The following VIPR2 variants were observed in gnomAD, a reference collection of about 807,000 sequenced individuals.
VIPR2 encodes the protein vasoactive intestinal peptide receptor 2, also known as vasoactive intestinal polypeptide receptor 2.
A neutral mutation model predicts 58.0 loss-of-function variants in VIPR2; 48 were observed. The observed-to-expected ratio is 0.83, with a 90% CI of 0.66 to 1.05. The LOEUF (loss-of-function observed/expected upper bound fraction) is 1.05. VIPR2 is among the 50% of genes least tolerant of loss of function. The pLI is 0.00. For synonymous variants in VIPR2, 243 were observed against 235.2 expected, an observed-to-expected ratio of 1.03 and a Z score of -0.30; for missense variants, 534 against 558.0, an observed-to-expected ratio of 0.96 and a Z score of 0.43.
chr7:159,030,657 G>A lies in VIPR2; in HGVS notation c.1276C>T (p.Arg426Cys), dbSNP rs924890200. Residue 426 changes from arginine (R) to cysteine (C), a missense_variant, in exon 13 of 13, where the codon CGC (arginine) becomes TGC (cysteine). This residue lies in a region of VIPR2 where 306 missense variants were observed against 285.8 expected (regional missense o/e 1.07). Coordinates refer to ENST00000262178, the MANE Select transcript of VIPR2 (RefSeq NM_003382.5). ...EGALQFHRGS[R>C]AQSFLQTETS... ...TCCGTTTGCAGGAAGGACTGGGCGC[G>A]GGAGCCGCGGTGGAACTGCAGGGCG... 1.6e-5 allele frequency: 25 copies of A among 1,559,954 alleles called. No individual in the cohort carries two copies. Among genetic ancestry groups the A allele is most frequent in the East Asian group, 2.4e-5 (1 of 41,918 alleles).
Position 159,109,831 on chromosome 7 carries a change from G to A in VIPR2, c.240C>T (p.Ser80=). ...CAGTACCTGCTTTGCTGTAAAAATT[G>A]CTGAAGACTTTTGGGCAGGGCACCG... ...TVTVPCPKVF[S]NFYSKAGNIS... Residue 80 remains serine (S), a synonymous_variant, in exon 3 of 13, where the codon AGC becomes AGT. Coordinates refer to ENST00000262178, the MANE Select transcript of VIPR2 (RefSeq NM_003382.5). 1 of 1,614,192 alleles carries A rather than the reference G, an allele frequency of 6.2e-7. No homozygotes were observed. The highest frequency in any genetic ancestry group is 8.5e-7 in the Non-Finnish European group (1 of 1,180,038).
At chr7:159,086,591 A>T (rs1345219680) in intron 4 of VIPR2, among the ~76,000 whole-genome samples, 2 of 152,208 alleles carry the variant, frequency 1.3e-5, no homozygotes, top group Non-Finnish European at 2.9e-5. Context: ...GGGGGATGTC[A>T]AATGTGAAGT....
At chr7:159,070,959 G>A (rs1053773128) in intron 4 of VIPR2, among the ~76,000 whole-genome samples, 1 of 152,178 alleles carries the variant, frequency 6.6e-6, no homozygotes, top group Non-Finnish European at 1.5e-5. Context: ...CACACGAAAC[G>A]GCACGCCCAC....
chr7:159,143,681 A>G (rs1346402695), intron 1 of VIPR2, among the ~76,000 whole-genome samples: 1 of 152,248 alleles, frequency 6.6e-6, no homozygotes, highest in African/African-American at 2.4e-5. Flanking sequence ...TAAATTTCAG[A>G]ATTAAGGAAA....
intron 4 of VIPR2, among the ~76,000 whole-genome samples, chr7:159,060,454 T>C (rs1855583943): frequency 1.3e-5 from 2 of 151,826 alleles, no homozygotes; most frequent in Non-Finnish European, 2.9e-5. Flanking sequence ...CACTCTCAAT[T>C]CATCTAACCC....
intron 4 of VIPR2, among the ~76,000 whole-genome samples, chr7:159,060,241 A>AC (rs78028911): frequency 0.11 from 16,086 of 145,360 alleles, 915 homozygotes; most frequent in Middle Eastern, 0.18. Flanking sequence ...TCACCTAACC[A>AC]CCCCCACTCA....
intron 4 of VIPR2, among the ~76,000 whole-genome samples, chr7:159,100,175 T>A (rs1858120174): frequency 6.6e-6 from 1 of 152,278 alleles, no homozygotes; most frequent in Non-Finnish European, 1.5e-5. Context: ...CCCGACCAGA[T>A]GGCAACAAGC....
intron 4 of VIPR2, among the ~76,000 whole-genome samples, chr7:159,094,096 G>A (rs1857675231): frequency 1.3e-5 from 2 of 152,190 alleles, no homozygotes; most frequent in African/African-American, 4.8e-5. Flanking sequence ...ATGCAGAGGA[G>A]GGGATGGTCT....
intron 3 of VIPR2, among the ~76,000 whole-genome samples, chr7:159,106,967 G>A (rs1180679313): frequency 6.6e-6 from 1 of 151,556 alleles, no homozygotes; most frequent in Admixed American, 6.6e-5. Flanking sequence ...CCAGGGAGGT[G>A]CAGAGAGAGG....
At chr7:159,135,193 T>C (rs111516611) in intron 2 of VIPR2, among the ~76,000 whole-genome samples, 4,555 of 151,990 alleles carry the variant, frequency 0.03, 214 homozygotes, top group African/African-American at 0.1. Context: ...CTCAGCACTG[T>C]GGGAGGCCAA....
At chr7:159,067,853 C>T (rs1443128731) in intron 4 of VIPR2, among the ~76,000 whole-genome samples, 1 of 152,274 alleles carries the variant, frequency 6.6e-6, no homozygotes, top group African/African-American at 2.4e-5. Context: ...AAGGCTATCA[C>T]TTGGGCTTGC....
intron 5 of VIPR2, among the ~76,000 whole-genome samples, chr7:159,047,628 T>C (rs1454424265): frequency 1.3e-5 from 2 of 152,252 alleles, no homozygotes; most frequent in Admixed American, 6.5e-5. Context: ...TGTATAATAC[T>C]ATTGAAAGTA....
intron 5 of VIPR2, among the ~76,000 whole-genome samples, chr7:159,045,749 C>CA (rs560244681): frequency 2.0e-3 from 297 of 151,572 alleles, no homozygotes; most frequent in Middle Eastern, 3.4e-3. Context: ...AAAAGCACAG[C>CA]AAAAAAACAA....
At position 159,030,828 on chromosome 7, in the gene VIPR2, G is replaced by C; in HGVS notation, c.1144-39C>G. On this transcript the variant is annotated intron_variant, in intron 12 of 12. Transcript: ENST00000262178. Reference sequence around the variant, plus strand: ...GCAGCGGGAACGCCCGTGAGCCTGGGCAGGTGCGGGCGGCTGCTATGGGAA... The same window carrying C: ...GCAGCGGGAACGCCCGTGAGCCTGGCCAGGTGCGGGCGGCTGCTATGGGAA... 5.4e-6 allele frequency: 8 copies of C among 1,483,982 alleles called. No individual in the cohort carries two copies. In the Admixed American group the frequency reaches 1.3e-4, roughly 25 times the overall value. The allele number at this position is 1,483,982 out of a possible 1,614,324, so 91.9% of individuals were successfully genotyped here.
chr7:159,083,987 T>C (rs1857043463), intron 4 of VIPR2, among the ~76,000 whole-genome samples: 1 of 152,216 alleles, frequency 6.6e-6, no homozygotes, highest in South Asian at 2.1e-4. Context: ...CTGGATGGGC[T>C]CTGACAAAGT....
At position 159,128,656 on chromosome 7, in the gene VIPR2, A is replaced by G. The variant is rs140303748; in HGVS notation, c.151+13790T>C. Among the ~76,000 whole-genome samples, 31 of 152,282 alleles carry G rather than the reference A, an allele frequency of 2.0e-4. No homozygotes were observed. In the East Asian group the frequency reaches 5.4e-3, roughly 27 times the overall value. ...CCCTTCCCACACTTACCACGAGGGC[A>G]TCTCCATCTCCCACCTGGAGGAACT... On this transcript the variant is annotated intron_variant, in intron 2 of 12. Coordinates refer to ENST00000262178, the MANE Select transcript of VIPR2 (RefSeq NM_003382.5). This position sits in a 1 kb window ranked among gnomAD's most constrained non-coding sequence, Gnocchi z 4.1.
intron 2 of VIPR2, among the ~76,000 whole-genome samples, chr7:159,110,988 TTAA>T (rs1430022708): frequency 6.6e-6 from 1 of 152,244 alleles, no homozygotes; most frequent in East Asian, 1.9e-4. Context: ...TCATATTACA[TTAA>T]TGTTAACATA....
At chr7:159,076,866 C>G (rs1055121438) in intron 4 of VIPR2, among the ~76,000 whole-genome samples, 1 of 152,118 alleles carries the variant, frequency 6.6e-6, no homozygotes, top group Non-Finnish European at 1.5e-5. Context: ...AGTTATAATA[C>G]AGACATACAA....
intron 2 of VIPR2, among the ~76,000 whole-genome samples, chr7:159,125,960 T>G (rs558620628): frequency 1.3e-5 from 2 of 152,160 alleles, no homozygotes; most frequent in Non-Finnish European, 2.9e-5. Flanking sequence ...GTAGCTGCAT[T>G]CCAGGACCTT....
Sources: allele counts gnomAD v4.1 joint callset (sites outside exome capture counted in the v4.1 genomes callset), GRCh38; gene constraint gnomAD v4.1.1; regional missense constraint gnomAD v4.1.1; non-coding constraint Gnocchi (gnomAD v3.1); transcripts MANE v1.5; gene names NCBI Gene and HGNC (gene_info 2026-07-23, HGNC 2026-07-21).